Variants in SLC12A7 observed in about 807,000 individuals in gnomAD.
The protein encoded by SLC12A7 is solute carrier family 12 member 7, also known as K-Cl cotransporter 4.
Under a neutral mutation model 120.6 loss-of-function variants are expected in SLC12A7, and 100 were observed. That is an observed-to-expected ratio of 0.83 (90% CI 0.71 to 0.98). The LOEUF (loss-of-function observed/expected upper bound fraction) is 0.98. Ranked by LOEUF, SLC12A7 falls within the 50% of genes least tolerant of loss-of-function variation. The probability of loss-of-function intolerance (pLI) is 0.00; values close to 1 mark genes in which losing one functional copy is unlikely to be tolerated. For missense variants in SLC12A7, 1,373 were observed against 1,548.1 expected (o/e 0.89, Z 1.90); for synonymous variants, 760 against 678.0 (o/e 1.12, Z -1.88).
At position 1,085,306 on chromosome 5, in the gene SLC12A7, C is replaced by G. The variant is rs531808703; in HGVS notation, c.843G>C (p.Leu281=). ...CCAGGATGGACAGCACGACGCAGGC[C>G]AGGAAGACCAGCGCCAGCTTGTTGA... ...KYVNKLALVF[L]ACVVLSILAI... Residue 281 remains leucine (L), a synonymous_variant, in exon 7 of 24, where the codon CTG becomes CTC. Transcript: ENST00000264930. The G allele has an allele frequency of 1.3e-5, 21 of 1,612,538 alleles. No homozygotes were observed. Among genetic ancestry groups the G allele is most frequent in the Non-Finnish European group, 1.8e-5 (21 of 1,179,838 alleles).
the SLC12A7 span, among the ~76,000 whole-genome samples, chr5:1,139,925 G>T: frequency 6.6e-6 from 1 of 152,202 alleles, no homozygotes; most frequent in East Asian, 1.9e-4. Flanking sequence ...GGGCCTCAGG[G>T]CTCTGATCCC....
chr5:1,066,241 C>A (rs1444122096), intron 17 of SLC12A7, among the ~76,000 whole-genome samples: 1 of 152,226 alleles, frequency 6.6e-6, no homozygotes, highest in Non-Finnish European at 1.5e-5. Flanking sequence ...CCTGGCTTGT[C>A]CCCTGCTGCG....
intron 16 of SLC12A7, among the ~76,000 whole-genome samples, 181 bp downstream of exon 16, chr5:1,074,385 AG>A (rs1738083347): frequency 6.6e-6 from 1 of 152,096 alleles, no homozygotes; most frequent in South Asian, 2.1e-4. Context: ...ACCCTGCAGC[AG>A]GGACACCCCC....
At chr5:1,113,713 G>A (rs1743199434), upstream of SLC12A7, among the ~76,000 whole-genome samples, 1 of 152,184 alleles carries the variant, frequency 6.6e-6, no homozygotes. Flanking sequence ...TAGTTCCCAG[G>A]CATCCTTATG....
chr5:1,063,251 G>A (rs1017856845), intron 20 of SLC12A7, among the ~76,000 whole-genome samples: 3 of 152,224 alleles, frequency 2.0e-5, no homozygotes, highest in African/African-American at 4.8e-5. Context: ...TGGCCTCACT[G>A]ACCAGTGCCC....
chr5:1,065,002 A>G (rs1465187346), intron 18 of SLC12A7, among the ~76,000 whole-genome samples: 1 of 100,260 alleles, frequency 1.0e-5, no homozygotes, highest in African/African-American at 3.9e-5. Context: ...AAAGGGATGC[A>G]GAGGAGACTG....
Position 1,075,544 on chromosome 5 carries a change from C to T in SLC12A7, c.1848-54G>A, listed in dbSNP as rs538708117. The T allele has an allele frequency of 3.0e-5, 47 of 1,573,684 alleles. 1 individual carries two copies. The African/African-American group carries it at 5.5e-4, about 19-fold the overall frequency. ...GCCCAACGCCATGCAGCCCCCACAC[C>T]TCAGCCACCACCACACGGACACTGC... is the stretch of plus-strand genomic sequence containing the variant. On this transcript the variant is annotated intron_variant, in intron 14 of 23. Coordinates refer to ENST00000264930, the MANE Select transcript of SLC12A7 (RefSeq NM_006598.3).
intron 10 of SLC12A7, 24 bp from the exon 11 acceptor site, chr5:1,078,782 C>T (rs531669870): frequency 3.7e-6 from 5 of 1,333,720 alleles, no homozygotes; most frequent in East Asian, 4.3e-5. Context: ...CAAGGAAAGG[C>T]AGGTCCGTGG....
the SLC12A7 span, among the ~76,000 whole-genome samples, chr5:1,133,213 G>A: frequency 3.9e-5 from 6 of 152,218 alleles, no homozygotes; most frequent in Admixed American, 6.5e-5. Flanking sequence ...ACCGCACCCA[G>A]CTGCTTCTAC....
At position 1,060,410 on chromosome 5, in the gene SLC12A7, T is replaced by TA; in HGVS notation, c.2780dup (p.Met928AsnfsTer62). 2 of 1,613,812 alleles carry TA rather than the reference T, an allele frequency of 1.2e-6. No individual in the cohort carries two copies. The highest frequency in any genetic ancestry group is 1.7e-6 in the Non-Finnish European group (2 of 1,179,970). ...GCATCTGCGACCTCTGCTCCATCAT[T>TA]AGTGTCCTCTCGTAGGTGAAAGCAG... On this transcript the variant is annotated frameshift_variant, in exon 21 of 24. Coordinates refer to ENST00000264930, the MANE Select transcript of SLC12A7 (RefSeq NM_006598.3). LOFTEE classifies it high-confidence loss of function.
chr5:1,076,239 G>A lies in SLC12A7; in HGVS notation c.1749-3C>T. ...ACAGGTAGCACATGAGGAAGAACCT[G>A]CAGGGACGGCCGGCCACTGATACGG... On this transcript the variant is annotated splice_polypyrimidine_tract_variant and splice_region_variant and intron_variant, in intron 13 of 23. Transcript: ENST00000264930. 1 of 1,603,808 alleles carries A rather than the reference G, an allele frequency of 6.2e-7. No individual in the cohort carries two copies.
chr5:1,113,001 C>T (rs1465905566), upstream of SLC12A7, among the ~76,000 whole-genome samples: 1 of 151,984 alleles, frequency 6.6e-6, no homozygotes, highest in Non-Finnish European at 1.5e-5. Flanking sequence ...CAGAAGCTCA[C>T]AGGGTGATGC....
At chr5:1,066,798 A>C (rs1737101974) in intron 17 of SLC12A7, among the ~76,000 whole-genome samples, 1 of 152,116 alleles carries the variant, frequency 6.6e-6, no homozygotes, top group African/African-American at 2.4e-5. Context: ...AGGAGGCAGG[A>C]GGATCCTCCC....
At chr5:1,075,550 C>T in intron 14 of SLC12A7, 60 bp from the exon 15 acceptor site, 1 of 1,564,310 alleles carries the variant, frequency 6.4e-7, no homozygotes, top group South Asian at 1.2e-5. Flanking sequence ...ACACCTCAGC[C>T]ACCACCACAC....
At position 1,111,954 on chromosome 5, in the gene SLC12A7, T is replaced by C. The variant is rs1743050971; in HGVS notation, c.38A>G (p.His13Arg). The part of the protein sequence containing the change: ...TNFTVVPVEA[H>R]ADGGGDETAE... ...AGTCTCGTCCCCGCCGCCGTCGGCGTGAGCCTCCACGGGCACCACGGTGAA... is the reference window on the plus strand; with the variant it reads ...AGTCTCGTCCCCGCCGCCGTCGGCGCGAGCCTCCACGGGCACCACGGTGAA... The change falls in exon 1 of 24, where the codon CAC becomes CGC. Residue 13 changes from histidine to arginine, a missense_variant. Coordinates refer to ENST00000264930, the MANE Select transcript of SLC12A7 (RefSeq NM_006598.3). The C allele has an allele frequency of 7.7e-7, 1 of 1,297,178 alleles. No individual in the cohort carries two copies. Among genetic ancestry groups the C allele is most frequent in the African/African-American group, 1.5e-5 (1 of 65,754 alleles). The allele number at this position is 1,297,178 out of a possible 1,614,324, so 80.4% of individuals were successfully genotyped here.
At chr5:1,131,867 G>C in the SLC12A7 span, among the ~76,000 whole-genome samples, 1 of 152,202 alleles carries the variant, frequency 6.6e-6, no homozygotes. Flanking sequence ...TTCCCAGGTG[G>C]GGCCCAGCGC....
intron 23 of SLC12A7, 150 bp from the exon 24 acceptor site, chr5:1,052,601 G>A (rs1579299966): frequency 1.5e-6 from 1 of 659,498 alleles, no homozygotes; most frequent in East Asian, 2.7e-5. Flanking sequence ...GGGGATTAGA[G>A]AGACCCCCCA....
At chr5:1,079,950 C>G (rs1738819385) in intron 9 of SLC12A7, among the ~76,000 whole-genome samples, 1 of 152,238 alleles carries the variant, frequency 6.6e-6, no homozygotes, top group Admixed American at 6.5e-5. Context: ...CCACCTTGCT[C>G]TAGGGAGCCA....
the SLC12A7 span, among the ~76,000 whole-genome samples, chr5:1,142,629 G>A: frequency 9.7e-5 from 14 of 144,118 alleles, no homozygotes; most frequent in South Asian, 4.7e-4. Context: ...TCTGTCTCTC[G>A]CTGTCTCTGT....
Sources: gnomAD v4.1 joint callset for allele counts (sites outside exome capture counted in the v4.1 genomes callset) on GRCh38, gnomAD v4.1.1 for gene constraint, MANE v1.5 for transcripts, NCBI Gene and HGNC (gene_info 2026-07-23, HGNC 2026-07-21) for gene names.